The following RBFOX3 variants were observed in gnomAD, a reference collection of about 807,000 sequenced individuals.
RBFOX3 encodes RNA binding fox-1 homolog 3.
Under a neutral mutation model 48.7 loss-of-function variants are expected in RBFOX3, and 17 were observed. That is an observed-to-expected ratio of 0.35 (90% CI 0.24 to 0.52). The LOEUF is 0.52. Among genes scored for constraint, RBFOX3 ranks in the 20% least tolerant of loss-of-function variants. The probability of loss-of-function intolerance (pLI) is 0.94; values close to 1 mark genes in which losing one functional copy is unlikely to be tolerated. For synonymous variants in RBFOX3, 212 were observed against 209.5 expected, an observed-to-expected ratio of 1.01 and a Z score of -0.10; for missense variants, 382 against 497.5, an observed-to-expected ratio of 0.77 and a Z score of 2.21.
Position 79,242,911 on chromosome 17 carries a change from T to G in RBFOX3, c.-73-7106A>C, listed in dbSNP as rs1043988879. ...AGGTCCTTCTAGGCACTCTAGGCCT[T>G]CAGCTGTGCTCCAGTGGGGCCTTAC... On this transcript the variant is annotated intron_variant, in intron 3 of 14. Coordinates refer to ENST00000693108, the MANE Select transcript of RBFOX3 (RefSeq NM_001350451.2). This position sits in a 1 kb window ranked among gnomAD's most constrained non-coding sequence, Gnocchi z 5.8. Among the ~76,000 whole-genome samples the G allele has an allele frequency of 6.6e-6, 1 of 152,126 alleles. No individual in the cohort carries two copies. Among genetic ancestry groups the G allele is most frequent in the South Asian group, 2.1e-4 (1 of 4,826 alleles).
intron 2 of RBFOX3, among the ~76,000 whole-genome samples, chr17:79,448,389 A>G (rs1401881163): frequency 2.6e-5 from 4 of 152,216 alleles, no homozygotes; most frequent in African/African-American, 9.6e-5. Context: ...TAAGGATCTC[A>G]AGATGAAATC....
At chr17:79,558,710 C>T (rs2091959513) in intron 1 of RBFOX3, among the ~76,000 whole-genome samples, 1 of 152,204 alleles carries the variant, frequency 6.6e-6, no homozygotes, top group South Asian at 2.1e-4. Context: ...GGTTAGTCAA[C>T]CTGTTAACCA....
chr17:79,370,942 C>T (rs138292719), intron 2 of RBFOX3, among the ~76,000 whole-genome samples: 20 of 152,372 alleles, frequency 1.3e-4, no homozygotes, highest in African/African-American at 4.8e-4. Flanking sequence ...GCCAAGAACA[C>T]CTGGAGCTCC....
chr17:79,239,452 G>T (rs922415254), intron 3 of RBFOX3, among the ~76,000 whole-genome samples: 1 of 152,182 alleles, frequency 6.6e-6, no homozygotes, highest in Non-Finnish European at 1.5e-5. Flanking sequence ...CAGTGGTGCC[G>T]ACTTCCCCAA....
chr17:79,145,516 G>C (rs915737459), intron 4 of RBFOX3, among the ~76,000 whole-genome samples: 1 of 152,218 alleles, frequency 6.6e-6, no homozygotes, highest in Non-Finnish European at 1.5e-5. Flanking sequence ...CCTGCTCTCC[G>C]TGTTCTCCGG....
At chr17:79,403,599 G>A (rs145607671) in intron 2 of RBFOX3, among the ~76,000 whole-genome samples, 27 of 152,296 alleles carry the variant, frequency 1.8e-4, no homozygotes, top group African/African-American at 6.5e-4. Flanking sequence ...TGGTGGGAAC[G>A]TCCCGGACAG....
intron 2 of RBFOX3, among the ~76,000 whole-genome samples, chr17:79,315,897 G>C (rs1269901319): frequency 6.6e-6 from 1 of 152,088 alleles, no homozygotes; most frequent in Non-Finnish European, 1.5e-5. Flanking sequence ...TAACCCTGGA[G>C]GAAACTTCAA....
intron 2 of RBFOX3, among the ~76,000 whole-genome samples, chr17:79,435,617 G>A (rs372837924): frequency 6.6e-6 from 1 of 152,234 alleles, no homozygotes; most frequent in Non-Finnish European, 1.5e-5. Flanking sequence ...CCTGGCTCCT[G>A]GTAGGCACTG....
intron 1 of RBFOX3, among the ~76,000 whole-genome samples, chr17:79,608,327 G>A (rs2093883900): frequency 6.6e-6 from 1 of 152,234 alleles, no homozygotes; most frequent in South Asian, 2.1e-4. Flanking sequence ...TCCGAGTAAG[G>A]GGCGGAGCCT....
chr17:79,266,894 C>T (rs1416211137), intron 3 of RBFOX3, among the ~76,000 whole-genome samples: 1 of 152,186 alleles, frequency 6.6e-6, no homozygotes. Flanking sequence ...CGCTCCTGCT[C>T]AGACCTCACC....
At chr17:79,134,195 C>T (rs2039643483) in intron 4 of RBFOX3, among the ~76,000 whole-genome samples, 1 of 152,224 alleles carries the variant, frequency 6.6e-6, no homozygotes, top group Non-Finnish European at 1.5e-5. Context: ...TTACTGTGAG[C>T]TCCAAGAAGG....
At chr17:79,534,089 A>G (rs1256758503) in intron 1 of RBFOX3, among the ~76,000 whole-genome samples, 1 of 152,258 alleles carries the variant, frequency 6.6e-6, no homozygotes, top group Non-Finnish European at 1.5e-5. Context: ...TGAGGGCAGG[A>G]GAGGAAATTT....
chr17:79,115,680 AGGGGGGTACTGGGCGGG>A lies in RBFOX3; in HGVS notation c.19_35del (p.Pro7SerfsTer121). 3 of 207,368 alleles carry A rather than the reference AGGGGGGTACTGGGCGGG, an allele frequency of 1.4e-5. No individual in the cohort carries two copies. Among genetic ancestry groups the A allele is most frequent in the Non-Finnish European group, 1.4e-5 (2 of 140,828 alleles). The allele number at this position is 207,368 out of a possible 1,614,324, so 12.8% of individuals were successfully genotyped here. On this transcript the variant is annotated frameshift_variant, in exon 5 of 15. Transcript: ENST00000693108. LOFTEE classifies it high-confidence loss of function. ...CGGCAGGGATGCCGTTCTGTGGCGGAGGGGGGTACTGGGCGGGGGGGTAGGGCTGGGCCATCGCTTCA... is the reference window on the plus strand; with the variant it reads ...CGGCAGGGATGCCGTTCTGTGGCGGAGGGGTAGGGCTGGGCCATCGCTTCA...
chr17:79,656,778 G>GAGAGAGAGAGAGAGAGAGAAAGAAAGA, the RBFOX3 span, among the ~76,000 whole-genome samples: 1 of 25,984 alleles, frequency 3.8e-5, no homozygotes, highest in African/African-American at 1.2e-4. Flanking sequence ...AGGAAGGAAG[G>GAGAGAGAGAGAGAGAGAGAAAGAAAGA]AAAGAAAGAA....
At chr17:79,268,652 C>T (rs768645285) in intron 3 of RBFOX3, among the ~76,000 whole-genome samples, 4 of 152,228 alleles carry the variant, frequency 2.6e-5, no homozygotes, top group Non-Finnish European at 4.4e-5. Context: ...AAGCCACACT[C>T]ATGCCCTGGC....
intron 2 of RBFOX3, among the ~76,000 whole-genome samples, chr17:79,414,142 C>A (rs1020360679): frequency 6.6e-6 from 1 of 152,092 alleles, no homozygotes; most frequent in Admixed American, 6.5e-5. Flanking sequence ...TTCTCAAGGG[C>A]CCTCCTGGAG....
At chr17:79,115,374 G>A in intron 5 of RBFOX3, 120 bp downstream of exon 5, 1 of 543,900 alleles carries the variant, frequency 1.8e-6, no homozygotes, top group Non-Finnish European at 2.8e-6. Context: ...ACACACAGAG[G>A]CCCTGCCCAG....
intron 1 of RBFOX3, among the ~76,000 whole-genome samples, chr17:79,496,926 G>C (rs1238561157): frequency 3.3e-5 from 5 of 152,198 alleles, no homozygotes; most frequent in African/African-American, 1.2e-4. Context: ...GGTGTTACCT[G>C]TGTGGAGCCG....
intron 4 of RBFOX3, among the ~76,000 whole-genome samples, chr17:79,209,434 T>C (rs950588583): frequency 6.6e-6 from 1 of 152,190 alleles, no homozygotes; most frequent in Non-Finnish European, 1.5e-5. Context: ...ACACACCCAT[T>C]GAACCAAACG....
Sources: gnomAD v4.1 joint callset for allele counts (sites outside exome capture counted in the v4.1 genomes callset) on GRCh38, gnomAD v4.1.1 for gene constraint, Gnocchi (gnomAD v3.1) non-coding constraint, MANE v1.5 for transcripts, NCBI Gene and HGNC (gene_info 2026-07-23, HGNC 2026-07-21) for gene names.